The following OSBPL9 variants were observed in gnomAD, a reference collection of about 807,000 sequenced individuals.
OSBPL9 encodes the protein oxysterol-binding protein-related protein 9.
In OSBPL9, 40 loss-of-function variants were observed where a neutral mutation model predicts 106.6. The observed-to-expected ratio is 0.38, with a 90% CI of 0.29 to 0.49. OSBPL9 has a LOEUF of 0.49. OSBPL9 is among the 20% of genes least tolerant of loss of function. The pLI is 0.97. For synonymous variants in OSBPL9, 269 were observed against 295.4 expected, an observed-to-expected ratio of 0.91 and a Z score of 0.92; for missense variants, 609 against 887.2, an observed-to-expected ratio of 0.69 and a Z score of 3.98.
At chr1:51,651,009 C>G (rs1303277903) in intron 1 of OSBPL9, among the ~76,000 whole-genome samples, 3 of 152,146 alleles carry the variant, frequency 2.0e-5, no homozygotes, top group East Asian at 1.9e-4. Flanking sequence ...ATTCCTACCC[C>G]CTAAGGTATG....
chr1:51,693,389 A>AAG (rs899924852), intron 3 of OSBPL9, among the ~76,000 whole-genome samples: 8 of 151,594 alleles, frequency 5.3e-5, no homozygotes, highest in East Asian at 3.9e-4. Flanking sequence ...AAAAAAAAAA[A>AAG]AGAGAGAGAG....
intron 9 of OSBPL9, among the ~76,000 whole-genome samples, chr1:51,759,121 T>C (rs1670969714): frequency 1.3e-5 from 2 of 151,920 alleles, no homozygotes; most frequent in South Asian, 4.1e-4. Context: ...GTTTTTTTTT[T>C]TAATTATTAC....
At chr1:51,748,814 G>T (rs530904686) in intron 7 of OSBPL9, among the ~76,000 whole-genome samples, 1 of 152,066 alleles carries the variant, frequency 6.6e-6, no homozygotes, top group Admixed American at 6.6e-5. Flanking sequence ...GGCCGGGCGC[G>T]GTGGCTCACA....
At chr1:51,755,376 A>G (rs1401980348) in intron 8 of OSBPL9, among the ~76,000 whole-genome samples, 1 of 152,162 alleles carries the variant, frequency 6.6e-6, no homozygotes, top group Non-Finnish European at 1.5e-5. Context: ...TATTAAGCAA[A>G]TATTTTCTAT....
At chr1:51,587,359 C>T (rs1264222583) in intron 1 of OSBPL9, among the ~76,000 whole-genome samples, 1 of 151,962 alleles carries the variant, frequency 6.6e-6, no homozygotes, top group Non-Finnish European at 1.5e-5. Flanking sequence ...AGCCAGACTC[C>T]GTCTCAAAAT....
Position 51,782,583 on chromosome 1 carries a change from C to A in OSBPL9, c.1453C>A (p.Pro485Thr), listed in dbSNP as rs1241867343. The A allele has an allele frequency of 6.2e-7, 1 of 1,613,866 alleles. No homozygotes were observed. The highest frequency in any genetic ancestry group is 8.5e-7 in the Non-Finnish European group (1 of 1,179,926). ...NTELVSEGPV[P>T]WVSKNSVTFV... ...GGAACTAGTTTCAGAAGGACCAGTT[C>A]CCTGGGTTTCCAAAAACAGTGTAAC... The change falls in exon 17 of 24, where the codon CCC (proline) becomes ACC (threonine). Residue 485 changes from proline (P) to threonine (T), a missense_variant. Transcript: ENST00000428468.
chr1:51,600,546 A>G (rs1351640371), intron 2 of OSBPL9, among the ~76,000 whole-genome samples: 1 of 152,296 alleles, frequency 6.6e-6, no homozygotes. Flanking sequence ...TTCTGGTTTT[A>G]AAAGAAATTA....
intron 2 of OSBPL9, 88 bp from the exon 3 acceptor site, chr1:51,669,346 G>T: frequency 9.4e-7 from 1 of 1,065,572 alleles, no homozygotes. Flanking sequence ...AGTGTCGTTG[G>T]TGCATTGAGT....
chr1:51,703,927 C>G (rs1012565095), intron 3 of OSBPL9, among the ~76,000 whole-genome samples: 2 of 152,096 alleles, frequency 1.3e-5, no homozygotes, highest in African/African-American at 4.8e-5. Context: ...TGTTTATATG[C>G]TGGATTACGT....
At chr1:51,533,485 CAA>C in the OSBPL9 span, among the ~76,000 whole-genome samples, 134 of 54,388 alleles carry the variant, frequency 2.5e-3, no homozygotes, top group African/African-American at 8.2e-3. Flanking sequence ...GACTCTGTCT[CAA>C]AAAAAAAAAA....
At chr1:51,696,960 G>GAGCAACAT (rs1421750508) in intron 3 of OSBPL9, among the ~76,000 whole-genome samples, 8 of 152,008 alleles carry the variant, frequency 5.3e-5, no homozygotes, top group Non-Finnish European at 1.2e-4. Context: ...AAGACCAGCT[G>GAGCAACAT]AGCAACATAG....
the OSBPL9 span, among the ~76,000 whole-genome samples, chr1:51,531,228 A>G: frequency 6.6e-6 from 1 of 152,074 alleles, no homozygotes; most frequent in Non-Finnish European, 1.5e-5. Context: ...CAGTGAGCCA[A>G]GATCGTGCCA....
At chr1:51,523,280 T>C in the OSBPL9 span, among the ~76,000 whole-genome samples, 1 of 152,004 alleles carries the variant, frequency 6.6e-6, no homozygotes, top group African/African-American at 2.4e-5. Flanking sequence ...ATTTATTTAT[T>C]TATTTTATTT....
intron 2 of OSBPL9, 151 bp downstream of exon 2, chr1:51,652,192 G>C (rs555072414): frequency 1.7e-6 from 1 of 584,166 alleles, no homozygotes; most frequent in African/African-American, 1.9e-5. Context: ...ATTTCTCCAA[G>C]TAACTGTTAG....
chr1:51,666,825 T>G (rs529222612), intron 2 of OSBPL9, among the ~76,000 whole-genome samples: 4 of 152,332 alleles, frequency 2.6e-5, no homozygotes, highest in African/African-American at 9.6e-5. Flanking sequence ...ATCTGTTAGT[T>G]CATAGAGAGC....
At chr1:51,711,483 C>G (rs1659868560) in intron 3 of OSBPL9, among the ~76,000 whole-genome samples, 2 of 139,788 alleles carry the variant, frequency 1.4e-5, no homozygotes, top group African/African-American at 2.7e-5. Flanking sequence ...CACCTCCCTC[C>G]CGGACGGGGC....
At chr1:51,701,901 C>G (rs1164300618) in intron 3 of OSBPL9, among the ~76,000 whole-genome samples, 2 of 151,984 alleles carry the variant, frequency 1.3e-5, no homozygotes, top group East Asian at 1.9e-4. Flanking sequence ...TGCGGTGTTT[C>G]GTTTTTTGTC....
chr1:51,593,414 C>G (rs559075369), intron 1 of OSBPL9, among the ~76,000 whole-genome samples: 61 of 152,218 alleles, frequency 4.0e-4, no homozygotes, highest in Non-Finnish European at 5.7e-4. Flanking sequence ...AGCAAAAGGT[C>G]AGGCTCCCTA....
At chr1:51,737,552 GT>G (rs1665978799) in intron 4 of OSBPL9, among the ~76,000 whole-genome samples, 1 of 136,362 alleles carries the variant, frequency 7.3e-6, no homozygotes, top group South Asian at 2.3e-4. Context: ...AGGGGTGTGT[GT>G]GTGTGTGTGT....
Sources: allele counts gnomAD v4.1 joint callset (sites outside exome capture counted in the v4.1 genomes callset), GRCh38; gene constraint gnomAD v4.1.1; transcripts MANE v1.5; gene names NCBI Gene and HGNC (gene_info 2026-07-23, HGNC 2026-07-21).